The following TNRC6A variants were observed in gnomAD, a reference collection of about 807,000 sequenced individuals.
TNRC6A encodes the protein trinucleotide repeat containing adaptor 6A, also known as trinucleotide repeat-containing gene 6A protein.
TNRC6A carries 44 observed loss-of-function variants against 221.2 expected under a neutral mutation model. That is an observed-to-expected ratio of 0.20 (90% CI 0.16 to 0.26). The LOEUF (loss-of-function observed/expected upper bound fraction) is 0.26, where lower values mean the gene tolerates loss of function less well. TNRC6A is among the 10% of genes least tolerant of loss of function. The pLI is 1.00. For synonymous variants in TNRC6A, 847 were observed against 838.5 expected (o/e 1.01, Z -0.18); for missense variants, 2,199 against 2,404.4 (o/e 0.91, Z 1.79).
intron 4 of TNRC6A, among the ~76,000 whole-genome samples, chr16:24,771,574 A>ATGTTATGTTATGT (rs1555502150): frequency 2.0e-5 from 2 of 99,118 alleles, no homozygotes; most frequent in African/African-American, 7.8e-5. Flanking sequence ...ATGTTATGTT[A>ATGTTATGTTATGT]TGTTATGTTG....
intron 2 of TNRC6A, among the ~76,000 whole-genome samples, chr16:24,746,430 G>A (rs1567417117): frequency 6.6e-6 from 1 of 152,150 alleles, no homozygotes; most frequent in Admixed American, 6.5e-5. Context: ...TAAATAAGAA[G>A]TTTAGTGCTT....
At chr16:24,763,465 T>C (rs913774767) in intron 4 of TNRC6A, among the ~76,000 whole-genome samples, 3 of 152,196 alleles carry the variant, frequency 2.0e-5, no homozygotes, top group Non-Finnish European at 4.4e-5. Context: ...TTTTAGTTTG[T>C]CCCCTTCTCA....
intron 18 of TNRC6A, 43 bp downstream of exon 18, chr16:24,809,524 A>C: frequency 6.8e-7 from 1 of 1,467,830 alleles, no homozygotes; most frequent in Non-Finnish European, 9.1e-7. Flanking sequence ...AAAAACACAC[A>C]CACCTGCAGA....
intron 8 of TNRC6A, among the ~76,000 whole-genome samples, chr16:24,795,011 AG>A (rs1459216562): frequency 6.6e-6 from 1 of 152,120 alleles, no homozygotes; most frequent in African/African-American, 2.4e-5. Flanking sequence ...GAGGATGAAG[AG>A]GAGGGCAAAT....
rs1305531173 is a variant in TNRC6A, at chr16:24,628,277, G to C, written n.277-12607G>C. On this transcript the variant is annotated intron_variant and non_coding_transcript_variant, in intron 1 of 2. Transcript: ENST00000566108. ...CTACTAAAAATACAAAAAATTAGCT[G>C]GGTGTGGTGGTGGGCGCCTGTAATC... 1.3e-5 allele frequency among the ~76,000 whole-genome samples: 2 copies of C among 151,892 alleles called. 1 individual carries two copies. Among genetic ancestry groups the C allele is most frequent in the South Asian group, 4.2e-4 (2 of 4,788 alleles).
intron 1 of TNRC6A, among the ~76,000 whole-genome samples, chr16:24,613,029 T>C (rs964222503): frequency 5.3e-5 from 8 of 149,570 alleles, no homozygotes; most frequent in Non-Finnish European, 1.5e-5. Flanking sequence ...GGAGAATTGC[T>C]TGGACCCAGG....
chr16:24,727,025 C>CT (rs371206942), upstream of TNRC6A, among the ~76,000 whole-genome samples: 456 of 138,664 alleles, frequency 3.3e-3, 1 homozygote, highest in Middle Eastern at 7.4e-3. Context: ...GAAATCACAT[C>CT]TTTTTTTTTT....
chr16:24,728,545 G>A (rs2056532576), upstream of TNRC6A, among the ~76,000 whole-genome samples: 1 of 152,126 alleles, frequency 6.6e-6, no homozygotes, highest in Admixed American at 6.5e-5. Flanking sequence ...TGGGGTTTCT[G>A]AGAAAGTAAA....
At chr16:24,754,458 T>C (rs1001610749) in intron 3 of TNRC6A, among the ~76,000 whole-genome samples, 2 of 152,166 alleles carry the variant, frequency 1.3e-5, no homozygotes. Flanking sequence ...AAAGATTATG[T>C]ATAACACTCT....
chr16:24,781,612 TC>T (rs1209255785), intron 5 of TNRC6A, among the ~76,000 whole-genome samples: 1 of 152,146 alleles, frequency 6.6e-6, no homozygotes, highest in Non-Finnish European at 1.5e-5. Flanking sequence ...CTGGAAGTCT[TC>T]AGCTGATGTT....
intron 1 of TNRC6A, among the ~76,000 whole-genome samples, chr16:24,639,874 C>A (rs757064197): frequency 1.3e-5 from 2 of 152,176 alleles, no homozygotes; most frequent in African/African-American, 2.4e-5. Flanking sequence ...CCAGACTGGT[C>A]TCAAACTCCT....
intron 11 of TNRC6A, among the ~76,000 whole-genome samples, chr16:24,798,567 C>T (rs1382738240): frequency 3.9e-5 from 6 of 152,252 alleles, no homozygotes; most frequent in African/African-American, 1.4e-4. Flanking sequence ...AGAAAAGACA[C>T]TGAAGATAGC....
chr16:24,790,945 A>G lies in TNRC6A; in HGVS notation c.2303A>G (p.Asp768Gly), dbSNP rs1409906306. ...TQTFNSGACI[D>G]KTSPNGNDTS... Reference sequence around the variant, plus strand: ...ACTTTTAACTCAGGGGCATGTATAGATAAGACTAGCCCTAATGGTAATGAT... The same window carrying G: ...ACTTTTAACTCAGGGGCATGTATAGGTAAGACTAGCCCTAATGGTAATGAT... The change falls in exon 6 of 25, where the codon GAT becomes GGT. Residue 768 changes from aspartate to glycine, a missense_variant. Physicochemically the swap from Asp to Gly is moderately conservative, Grantham distance 94. Around this residue, in one of 8 missense-constraint regions of TNRC6A, gnomAD observed 1,405 missense variants for 1,400.2 expected, o/e 1.00. Coordinates refer to ENST00000395799, the MANE Select transcript of TNRC6A (RefSeq NM_014494.4). 7.4e-6 allele frequency: 12 copies of G among 1,613,346 alleles called. No individual in the cohort carries two copies. Among genetic ancestry groups the G allele is most frequent in the Non-Finnish European group, 1.0e-5 (12 of 1,179,626 alleles).
intron 2 of TNRC6A, among the ~76,000 whole-genome samples, chr16:24,748,392 A>T (rs1193922579): frequency 6.6e-6 from 1 of 152,102 alleles, no homozygotes; most frequent in Non-Finnish European, 1.5e-5. Context: ...CTGGGATTGT[A>T]GTGTGAGTGA....
At chr16:24,775,030 A>G (rs975881677) in intron 4 of TNRC6A, among the ~76,000 whole-genome samples, 2 of 152,136 alleles carry the variant, frequency 1.3e-5, no homozygotes, top group Admixed American at 6.5e-5. Flanking sequence ...TGGGGCACAC[A>G]TGGATGTGGA....
chr16:24,639,136 G>A (rs944586711), intron 1 of TNRC6A, among the ~76,000 whole-genome samples: 1 of 152,136 alleles, frequency 6.6e-6, no homozygotes, highest in Non-Finnish European at 1.5e-5. Flanking sequence ...GTTAAGAGAG[G>A]ACGTACATAG....
At chr16:24,799,783 CTCTTGGT>C (rs1337400809) in intron 11 of TNRC6A, among the ~76,000 whole-genome samples, 1 of 152,240 alleles carries the variant, frequency 6.6e-6, no homozygotes, top group African/African-American at 2.4e-5. Context: ...ACCTCAGCTG[CTCTTGGT>C]TCTTTAGCTG....
At chr16:24,733,345 A>G (rs2056688177) in intron 2 of TNRC6A, among the ~76,000 whole-genome samples, 1 of 152,218 alleles carries the variant, frequency 6.6e-6, no homozygotes, top group Non-Finnish European at 1.5e-5. Flanking sequence ...CAAATCCTCA[A>G]GACAGTGTGC....
intron 2 of TNRC6A, among the ~76,000 whole-genome samples, chr16:24,658,727 T>C (rs2054968406): frequency 6.6e-6 from 1 of 152,172 alleles, no homozygotes; most frequent in Admixed American, 6.6e-5. Context: ...ACTTTTCAAT[T>C]ATTTATTTTA....
Sources: gnomAD v4.1 joint callset for allele counts (sites outside exome capture counted in the v4.1 genomes callset) on GRCh38, gnomAD v4.1.1 for gene constraint, gnomAD v4.1.1 regional missense constraint, MANE v1.5 for transcripts, NCBI Gene and HGNC (gene_info 2026-07-23, HGNC 2026-07-21) for gene names.